Variants in ADGRD1 observed in about 807,000 individuals in gnomAD.
ADGRD1 encodes G-protein coupled receptor 133.
ADGRD1 carries 77 observed loss-of-function variants against 113.4 expected under a neutral mutation model. The ratio of observed to expected loss-of-function variants is 0.68; its 90% CI spans 0.57 to 0.82. The LOEUF (loss-of-function observed/expected upper bound fraction) is 0.82, where lower values mean the gene tolerates loss of function less well. ADGRD1 is among the 40% of genes least tolerant of loss of function. The probability of loss-of-function intolerance (pLI) is 0.00; values close to 1 mark genes in which losing one functional copy is unlikely to be tolerated. For missense variants in ADGRD1, 1,036 were observed against 1,139.1 expected (o/e 0.91, Z 1.30); for synonymous variants, 474 against 475.0 (o/e 1.00, Z 0.03).
At chr12:131,059,518 C>T (rs1179626694) in intron 13 of ADGRD1, among the ~76,000 whole-genome samples, 1 of 152,142 alleles carries the variant, frequency 6.6e-6, no homozygotes, top group Non-Finnish European at 1.5e-5. Context: ...TTCTATTTTT[C>T]ACTTCTAAAT....
rs1349587886 is a variant in ADGRD1 at position 130,999,194 on chromosome 12, C to T, written c.967-1189C>T. On this transcript the variant is annotated intron_variant, in intron 8 of 24. Coordinates refer to ENST00000261654, the MANE Select transcript of ADGRD1 (RefSeq NM_198827.5). ...TATGGCCCTCGAGTCAAATCTGGCC[C>T]GTTGCTTGCTTTTGGAAATAAAGTT... Among the ~76,000 whole-genome samples, 8 of 152,320 alleles carry T rather than the reference C, an allele frequency of 5.3e-5. No individual in the cohort carries two copies. The South Asian group carries it at 1.2e-3, about 24-fold the overall frequency.
At chr12:130,993,933 C>G (rs368670904) in intron 8 of ADGRD1, 1 of 160,582 alleles carries the variant, frequency 6.2e-6, no homozygotes, top group Non-Finnish European at 1.4e-5. Context: ...AGGGAAAGAA[C>G]GGGTCGGGAG....
chr12:131,119,660 A>T (rs1950545400), intron 19 of ADGRD1, among the ~76,000 whole-genome samples: 1 of 152,250 alleles, frequency 6.6e-6, no homozygotes, highest in African/African-American at 2.4e-5. Context: ...AAAATTCTGC[A>T]TGAAGTGCTG....
At chr12:130,994,036 A>G (rs1330321041) in intron 8 of ADGRD1, 1 of 196,116 alleles carries the variant, frequency 5.1e-6, no homozygotes, top group African/African-American at 2.3e-5. Context: ...CCACATGACC[A>G]CACCTGGGCC....
chr12:131,099,555 G>A (rs1293787067), intron 15 of ADGRD1, among the ~76,000 whole-genome samples: 1 of 152,194 alleles, frequency 6.6e-6, no homozygotes. Flanking sequence ...CCTGACGTGT[G>A]CATGCCATTT....
Position 130,975,550 on chromosome 12 carries a change from T to C in ADGRD1, c.310+3970T>C, listed in dbSNP as rs117867213. 9.8e-5 allele frequency among the ~76,000 whole-genome samples: 15 copies of C among 152,298 alleles called. No individual in the cohort carries two copies. The East Asian group carries it at 2.5e-3, about 25-fold the overall frequency. On this transcript the variant is annotated intron_variant, in intron 4 of 24. Transcript: ENST00000261654. ...CTGACTGGACACTCAAGCATGTTGC[T>C]AGGAGGTAGATCTCATGTGAAGTCT... is the stretch of plus-strand genomic sequence containing the variant.
At chr12:130,957,532 CAT>C (rs1312218074) in intron 2 of ADGRD1, 1 of 152,402 alleles carries the variant, frequency 6.6e-6, no homozygotes, top group African/African-American at 2.4e-5. Context: ...CATCCACACA[CAT>C]GTACACCTAT....
Position 131,005,226 on chromosome 12 carries a change from T to C in ADGRD1, c.1256-746T>C, listed in dbSNP as rs528493277. On this transcript the variant is annotated intron_variant, in intron 11 of 24. Transcript: ENST00000261654. ...TGCTCCTAGGGCAGAGGCAGGGATG[T>C]CCCTACCCCAGAAGCCAAGGGAAGG... 2.4e-3 allele frequency among the ~76,000 whole-genome samples: 371 copies of C among 152,170 alleles called. 4 individuals are homozygous for C. Among genetic ancestry groups the C allele is most frequent in the Admixed American group, 4.4e-3 (68 of 15,292 alleles).
chr12:131,079,754 A>T (rs1885923873), intron 14 of ADGRD1, among the ~76,000 whole-genome samples: 1 of 152,200 alleles, frequency 6.6e-6, no homozygotes, highest in Admixed American at 6.5e-5. Flanking sequence ...TGTTTAATTT[A>T]TAGGCACAGA....
At chr12:131,083,896 C>T (rs1566093660) in intron 14 of ADGRD1, among the ~76,000 whole-genome samples, 1 of 152,234 alleles carries the variant, frequency 6.6e-6, no homozygotes. Context: ...TCTGTGTGAG[C>T]GTTTTCTCTG....
intron 20 of ADGRD1, among the ~76,000 whole-genome samples, chr12:131,122,737 A>ACAGG (rs1456279124): frequency 6.6e-6 from 1 of 152,178 alleles, no homozygotes; most frequent in Non-Finnish European, 1.5e-5. Context: ...CCTGGGCAGA[A>ACAGG]CAGGCCCCTG....
chr12:131,033,391 C>G (rs999560057), intron 13 of ADGRD1, among the ~76,000 whole-genome samples: 1 of 152,232 alleles, frequency 6.6e-6, no homozygotes, highest in Non-Finnish European at 1.5e-5. Context: ...GTGCTCAGCA[C>G]CGTCAGAGCC....
intron 4 of ADGRD1, among the ~76,000 whole-genome samples, chr12:130,972,184 G>A (rs750179692): frequency 8.5e-5 from 13 of 152,184 alleles, no homozygotes; most frequent in African/African-American, 2.7e-4. Context: ...CTGCTCTCTC[G>A]TATCTAGGCT....
chr12:131,132,586 C>T (rs188104558), intron 21 of ADGRD1, among the ~76,000 whole-genome samples: 18 of 152,334 alleles, frequency 1.2e-4, no homozygotes, highest in Admixed American at 1.2e-3. Flanking sequence ...GTCGACTCTG[C>T]CCCCTGGTGG....
intron 4 of ADGRD1, among the ~76,000 whole-genome samples, chr12:130,975,224 C>T (rs1427166253): frequency 6.6e-6 from 1 of 152,176 alleles, no homozygotes; most frequent in South Asian, 2.1e-4. Context: ...GGATGAGCTC[C>T]AGTCCAGGTG....
intron 14 of ADGRD1, among the ~76,000 whole-genome samples, chr12:131,081,146 A>G (rs961096914): frequency 7.9e-5 from 12 of 152,052 alleles, no homozygotes; most frequent in Non-Finnish European, 1.3e-4. Context: ...CCCATAATTT[A>G]ACTTTTATCT....
chr12:130,987,388 G>A (rs146191332), intron 6 of ADGRD1, 39 bp downstream of exon 6: 4 of 1,609,958 alleles, frequency 2.5e-6, no homozygotes, highest in African/African-American at 1.3e-5. Flanking sequence ...TCCGCTGTCT[G>A]TTCCCAGGGT....
chr12:131,127,799 C>T (rs1213789067), intron 20 of ADGRD1, among the ~76,000 whole-genome samples: 2 of 136,868 alleles, frequency 1.5e-5, no homozygotes, highest in Admixed American at 7.2e-5. Flanking sequence ...TGATGGGACC[C>T]TGAGCTCAGG....
chr12:131,103,890 G>A (rs1235413518), intron 15 of ADGRD1, among the ~76,000 whole-genome samples: 6 of 152,190 alleles, frequency 3.9e-5, no homozygotes, highest in Admixed American at 3.9e-4. Flanking sequence ...CCTCCTGCAC[G>A]TGAGCAGCTG....
Sources: gnomAD v4.1 joint callset for allele counts (sites outside exome capture counted in the v4.1 genomes callset) on GRCh38, gnomAD v4.1.1 for gene constraint, MANE v1.5 for transcripts, NCBI Gene and HGNC (gene_info 2026-07-23, HGNC 2026-07-21) for gene names.